CNTN5: variants seen among roughly 807,000 people sequenced by gnomAD.
CNTN5 encodes contactin 5, also known as contactin-5.
CNTN5 carries 77 observed loss-of-function variants against 129.1 expected under a neutral mutation model. That is an observed-to-expected ratio of 0.60 (90% CI 0.50 to 0.72). CNTN5 has a LOEUF of 0.72. Ranked by LOEUF, CNTN5 falls within the 30% of genes least tolerant of loss-of-function variation. CNTN5 has a pLI of 0.00. For missense variants in CNTN5, 1,478 were observed against 1,328.8 expected (o/e 1.11, Z -1.75); for synonymous variants, 509 against 465.6 (o/e 1.09, Z -1.20).
At chr11:99,150,034 A>C (rs1160150845) in intron 1 of CNTN5, among the ~76,000 whole-genome samples, 1 of 152,074 alleles carries the variant, frequency 6.6e-6, no homozygotes, top group Non-Finnish European at 1.5e-5. Flanking sequence ...AACAAATAAA[A>C]AAAAGATAAT....
At chr11:99,264,804 A>G (rs1379845772) in intron 1 of CNTN5, among the ~76,000 whole-genome samples, 2 of 152,096 alleles carry the variant, frequency 1.3e-5, no homozygotes, top group Non-Finnish European at 2.9e-5. Context: ...TTTCTGCAGT[A>G]AACTAAAATT....
At chr11:99,506,375 T>A (rs912580083) in intron 2 of CNTN5, among the ~76,000 whole-genome samples, 1 of 152,244 alleles carries the variant, frequency 6.6e-6, no homozygotes, top group East Asian at 1.9e-4. Flanking sequence ...CTGTTTACAA[T>A]GTGTATGTTA....
intron 1 of CNTN5, among the ~76,000 whole-genome samples, chr11:99,276,319 C>T (rs73536805): frequency 0.018 from 2,707 of 151,536 alleles, 86 homozygotes; most frequent in African/African-American, 0.06. Flanking sequence ...AAGTCATGAA[C>T]GCAGAAAAAC....
In CNTN5 at chr11:99,639,832, G is replaced by A. The variant is rs376101968; in HGVS notation, c.55+83563G>A. 2.2e-4 allele frequency among the ~76,000 whole-genome samples: 34 copies of A among 152,086 alleles called. 1 individual carries two copies. The South Asian group carries it at 6.6e-3, about 30-fold the overall frequency. On this transcript the variant is annotated intron_variant, in intron 3 of 24. Transcript: ENST00000524871. The stretch of plus-strand genomic sequence containing the variant: ...ACCCACCTCAGCCTCCCAAAGTGCT[G>A]GGATTACCGGTGTGAGCCACCACGT...
chr11:99,145,113 A>C (rs1372007576), intron 1 of CNTN5, among the ~76,000 whole-genome samples: 1 of 152,156 alleles, frequency 6.6e-6, no homozygotes, highest in East Asian at 1.9e-4. Flanking sequence ...TCTTTCACCC[A>C]GGCTGGAGTG....
intron 16 of CNTN5, among the ~76,000 whole-genome samples, chr11:100,243,771 A>T (rs1949788206): frequency 6.6e-6 from 1 of 152,154 alleles, no homozygotes; most frequent in Non-Finnish European, 1.5e-5. Context: ...ATCTCAGTTC[A>T]TGACTGATTC....
At chr11:99,924,955 G>A (rs915144956) in intron 7 of CNTN5, among the ~76,000 whole-genome samples, 6 of 152,084 alleles carry the variant, frequency 3.9e-5, no homozygotes, top group African/African-American at 1.4e-4. Flanking sequence ...ATTTGGTTTA[G>A]GATAGGAAAA....
intron 1 of CNTN5, among the ~76,000 whole-genome samples, chr11:99,296,313 T>C (rs1864390323): frequency 6.6e-6 from 1 of 152,174 alleles, no homozygotes. Flanking sequence ...GGTTCAAAGC[T>C]AACAAATTTT....
intron 18 of CNTN5, among the ~76,000 whole-genome samples, chr11:100,291,059 T>A (rs931232904): frequency 6.7e-6 from 1 of 148,282 alleles, no homozygotes; most frequent in South Asian, 2.2e-4. Flanking sequence ...CACAATGAGA[T>A]ACCATCTCAC....
intron 1 of CNTN5, among the ~76,000 whole-genome samples, chr11:99,300,424 G>A (rs1055990405): frequency 6.6e-6 from 1 of 151,792 alleles, no homozygotes; most frequent in African/African-American, 2.4e-5. Context: ...TACATTTATT[G>A]TTTTGTATAT....
At chr11:99,555,018 T>C (rs1289591784) in intron 2 of CNTN5, among the ~76,000 whole-genome samples, 1 of 151,986 alleles carries the variant, frequency 6.6e-6, no homozygotes, top group Non-Finnish European at 1.5e-5. Context: ...GATCCCCAAA[T>C]ATAAAGTTAA....
At chr11:99,591,678 A>G (rs1005933596) in intron 3 of CNTN5, among the ~76,000 whole-genome samples, 2 of 152,110 alleles carry the variant, frequency 1.3e-5, no homozygotes, top group African/African-American at 4.8e-5. Context: ...GTGCGGGAAG[A>G]GAGATAACGA....
intron 3 of CNTN5, among the ~76,000 whole-genome samples, chr11:99,764,937 C>T (rs1162706085): frequency 1.3e-5 from 2 of 152,036 alleles, no homozygotes; most frequent in Admixed American, 1.3e-4. Flanking sequence ...TTTTCCGTAT[C>T]TCTGTATCAC....
intron 3 of CNTN5, among the ~76,000 whole-genome samples, chr11:99,572,077 A>C (rs1300976135): frequency 2.0e-5 from 3 of 152,214 alleles, no homozygotes; most frequent in African/African-American, 7.2e-5. Flanking sequence ...AATTTCCAAA[A>C]GTTAATACTA....
At chr11:99,711,272 T>C (rs1294002028) in intron 3 of CNTN5, among the ~76,000 whole-genome samples, 1 of 151,958 alleles carries the variant, frequency 6.6e-6, no homozygotes, top group Non-Finnish European at 1.5e-5. Flanking sequence ...AGAATTTCTG[T>C]AGTATATTCT....
chr11:99,687,921 A>C (rs1953864863), intron 3 of CNTN5, among the ~76,000 whole-genome samples: 1 of 152,182 alleles, frequency 6.6e-6, no homozygotes, highest in African/African-American at 2.4e-5. Flanking sequence ...GCCTATATTT[A>C]ATATTTAGAA....
intron 6 of CNTN5, among the ~76,000 whole-genome samples, chr11:99,873,443 C>A (rs1465732969): frequency 6.6e-6 from 1 of 151,982 alleles, no homozygotes; most frequent in Non-Finnish European, 1.5e-5. Context: ...AGGAATAAAG[C>A]AGCCAACCGA....
chr11:99,429,566 T>C (rs1163991047), intron 2 of CNTN5, among the ~76,000 whole-genome samples: 1 of 152,040 alleles, frequency 6.6e-6, no homozygotes, highest in Non-Finnish European at 1.5e-5. Flanking sequence ...TAAAAATGGA[T>C]ACCATGCCAA....
At chr11:99,385,213 C>G (rs4411257) in intron 2 of CNTN5, among the ~76,000 whole-genome samples, 18,767 of 152,038 alleles carry the variant, frequency 0.12, 1,257 homozygotes, top group Non-Finnish European at 0.16. Context: ...TAACTTTAGT[C>G]ACTGTGTTGT....
Sources: gnomAD v4.1 joint callset for allele counts (sites outside exome capture counted in the v4.1 genomes callset) on GRCh38, gnomAD v4.1.1 for gene constraint, MANE v1.5 for transcripts, NCBI Gene and HGNC (gene_info 2026-07-23, HGNC 2026-07-21) for gene names.